PDE8B: variants seen among roughly 807,000 people sequenced by gnomAD.
The protein encoded by PDE8B is high affinity cAMP-specific and IBMX-insensitive 3',5'-cyclic phosphodiesterase 8B.
In PDE8B, 26 loss-of-function variants were observed where a neutral mutation model predicts 101.3. That is an observed-to-expected ratio of 0.26 (90% CI 0.19 to 0.36). The LOEUF (loss-of-function observed/expected upper bound fraction) is 0.36, where lower values mean the gene tolerates loss of function less well. Among genes scored for constraint, PDE8B ranks in the 10% least tolerant of loss-of-function variants. PDE8B has a pLI of 1.00. For synonymous variants in PDE8B, 424 were observed against 429.3 expected, an observed-to-expected ratio of 0.99 and a Z score of 0.15; for missense variants, 810 against 1,163.1, an observed-to-expected ratio of 0.70 and a Z score of 4.42.
chr5:77,245,696 T>C (rs780434238), intron 1 of PDE8B, among the ~76,000 whole-genome samples: 4 of 152,248 alleles, frequency 2.6e-5, no homozygotes, highest in Non-Finnish European at 4.4e-5. Context: ...CCCCGTGAGA[T>C]AGATATATTA....
chr5:77,376,981 G>A (rs939513757), intron 10 of PDE8B, among the ~76,000 whole-genome samples: 3 of 152,132 alleles, frequency 2.0e-5, no homozygotes, highest in African/African-American at 7.2e-5. Flanking sequence ...AGTGCCATCC[G>A]TCACTGACAA....
chr5:77,146,414 G>T, the PDE8B span: 1 of 152,330 alleles, frequency 6.6e-6, no homozygotes, highest in East Asian at 1.9e-4. Flanking sequence ...AGTAGAATTT[G>T]GCAAAAAATG....
chr5:77,376,374 G>A (rs920329636), intron 10 of PDE8B, among the ~76,000 whole-genome samples: 10 of 152,200 alleles, frequency 6.6e-5, no homozygotes, highest in African/African-American at 2.4e-4. Flanking sequence ...GAGAGCCAGA[G>A]CTTTATCTCT....
chr5:77,119,010 G>A, the PDE8B span: 2 of 152,216 alleles, frequency 1.3e-5, no homozygotes, highest in Non-Finnish European at 2.9e-5. Flanking sequence ...GAGTAAAGCA[G>A]GGGAGGAAGA....
At chr5:77,409,518 T>C (rs1794126423) in intron 14 of PDE8B, among the ~76,000 whole-genome samples, 1 of 152,164 alleles carries the variant, frequency 6.6e-6, no homozygotes, top group Non-Finnish European at 1.5e-5. Flanking sequence ...GTATAGAAGT[T>C]CCATTTATAA....
chr5:77,294,815 G>A (rs896590105), intron 1 of PDE8B, among the ~76,000 whole-genome samples: 2 of 148,626 alleles, frequency 1.3e-5, no homozygotes, highest in Admixed American at 1.3e-4. Context: ...TGCAAGACAG[G>A]CAAAGGAGCT....
chr5:77,107,916 C>T, the PDE8B span, among the ~76,000 whole-genome samples: 6 of 152,214 alleles, frequency 3.9e-5, no homozygotes, highest in East Asian at 1.9e-4. Context: ...ACAGGGAATT[C>T]GTATTCCCCT....
intron 10 of PDE8B, among the ~76,000 whole-genome samples, chr5:77,392,873 A>G (rs1445953371): frequency 6.6e-6 from 1 of 152,202 alleles, no homozygotes; most frequent in Non-Finnish European, 1.5e-5. Context: ...CCATGACTTC[A>G]GTTTTCTCAG....
chr5:77,396,577 GGCC>G (rs1276818161), intron 10 of PDE8B, among the ~76,000 whole-genome samples: 1 of 152,048 alleles, frequency 6.6e-6, no homozygotes, highest in Non-Finnish European at 1.5e-5. Context: ...GTGACCACGT[GGCC>G]GCCCAGGAAT....
chr5:77,229,053 G>A (rs1752996517), intron 1 of PDE8B, among the ~76,000 whole-genome samples: 1 of 152,178 alleles, frequency 6.6e-6, no homozygotes, highest in Non-Finnish European at 1.5e-5. Context: ...AGAGGGAAAG[G>A]AAAGGATGGA....
At chr5:77,424,075 T>A (rs925816055) in intron 20 of PDE8B, among the ~76,000 whole-genome samples, 1 of 152,168 alleles carries the variant, frequency 6.6e-6, no homozygotes, top group African/African-American at 2.4e-5. Flanking sequence ...CAGGTAGTTC[T>A]GAGCTTTCCA....
intron 1 of PDE8B, among the ~76,000 whole-genome samples, chr5:77,289,449 A>G (rs894716933): frequency 7.9e-5 from 12 of 152,230 alleles, no homozygotes; most frequent in East Asian, 1.9e-4. Flanking sequence ...CCCACATCTT[A>G]TCTTTGTAAG....
At chr5:77,420,232 G>A (rs528532212) in intron 19 of PDE8B, among the ~76,000 whole-genome samples, 1 of 152,160 alleles carries the variant, frequency 6.6e-6, no homozygotes, top group East Asian at 1.9e-4. Flanking sequence ...CTGAGCTCTT[G>A]GAAAACCTCA....
the PDE8B span, chr5:77,118,298 ATTG>A: frequency 2.0e-5 from 8 of 397,308 alleles, no homozygotes; most frequent in African/African-American, 4.1e-5. Flanking sequence ...TTTAAGTTTT[ATTG>A]TTGTTGTTGT....
chr5:77,205,739 C>T (rs1747449863), upstream of PDE8B, among the ~76,000 whole-genome samples: 1 of 152,180 alleles, frequency 6.6e-6, no homozygotes, highest in African/African-American at 2.4e-5. Context: ...ACTTTATACT[C>T]ACTTATGAAC....
chr5:77,365,886 G>T (rs1047169064), intron 10 of PDE8B, among the ~76,000 whole-genome samples: 2 of 152,216 alleles, frequency 1.3e-5, no homozygotes, highest in African/African-American at 4.8e-5. Flanking sequence ...GATGTGCTGG[G>T]CAGTCAGCCC....
At chr5:77,364,717 C>T (rs1783795035) in intron 10 of PDE8B, among the ~76,000 whole-genome samples, 2 of 151,988 alleles carry the variant, frequency 1.3e-5, no homozygotes, top group South Asian at 4.2e-4. Flanking sequence ...GGCTGAACAG[C>T]TGCAACGTAT....
chr5:77,124,887 T>C, the PDE8B span, among the ~76,000 whole-genome samples: 10 of 152,194 alleles, frequency 6.6e-5, no homozygotes, highest in Middle Eastern at 6.8e-3. Flanking sequence ...GCATCTGAAG[T>C]AAAAGAAGGA....
chr5:77,380,083 A>C (rs560293056), intron 10 of PDE8B, among the ~76,000 whole-genome samples: 2 of 152,352 alleles, frequency 1.3e-5, no homozygotes, highest in Non-Finnish European at 2.9e-5. Context: ...ACTTTTGTTC[A>C]TCTTAACCAG....
Sources: gnomAD v4.1 joint callset for allele counts (sites outside exome capture counted in the v4.1 genomes callset) on GRCh38, gnomAD v4.1.1 for gene constraint, MANE v1.5 for transcripts, NCBI Gene and HGNC (gene_info 2026-07-23, HGNC 2026-07-21) for gene names.